The following SND1 variants were observed in gnomAD, a reference collection of about 807,000 sequenced individuals.
The protein encoded by SND1 is staphylococcal nuclease and tudor domain containing 1, also known as staphylococcal nuclease domain-containing protein 1.
SND1 carries 38 observed loss-of-function variants against 121.7 expected under a neutral mutation model. That is an observed-to-expected ratio of 0.31 (90% CI 0.24 to 0.41). The LOEUF (loss-of-function observed/expected upper bound fraction) is 0.41. Ranked by LOEUF, SND1 falls within the 10% of genes least tolerant of loss-of-function variation. The pLI, the probability that SND1 is intolerant of heterozygous loss-of-function variation, is 1.00. For synonymous variants in SND1, 401 were observed against 447.4 expected (o/e 0.90, Z 1.31); for missense variants, 868 against 1,184.6 (o/e 0.73, Z 3.92).
chr7:128,090,132 CACA>C (rs1400963715), intron 22 of SND1, among the ~76,000 whole-genome samples: 1 of 152,154 alleles, frequency 6.6e-6, no homozygotes, highest in African/African-American at 2.4e-5. Context: ...AAGACTGCCA[CACA>C]ACCCTCTGGC....
At chr7:127,935,229 T>A (rs1406648277) in intron 15 of SND1, among the ~76,000 whole-genome samples, 1 of 152,096 alleles carries the variant, frequency 6.6e-6, no homozygotes, top group East Asian at 1.9e-4. Context: ...TAACAGAGAA[T>A]GGAAAAGTAG....
chr7:128,067,812 C>G (rs756760833), intron 16 of SND1, among the ~76,000 whole-genome samples: 16 of 152,250 alleles, frequency 1.1e-4, no homozygotes, highest in Non-Finnish European at 1.9e-4. Flanking sequence ...TGTGTGGGGT[C>G]TCCCTGTCCT....
chr7:127,850,261 T>G (rs1799139879), intron 12 of SND1, among the ~76,000 whole-genome samples: 1 of 152,224 alleles, frequency 6.6e-6, no homozygotes, highest in Non-Finnish European at 1.5e-5. Context: ...TGTATAGCTT[T>G]GAGGTTTTTC....
intron 10 of SND1, among the ~76,000 whole-genome samples, chr7:127,774,659 A>T (rs1472385563): frequency 6.6e-6 from 1 of 151,864 alleles, no homozygotes; most frequent in African/African-American, 2.4e-5. Context: ...GCTCACTGCA[A>T]CCTCGGCCTC....
intron 9 of SND1, among the ~76,000 whole-genome samples, chr7:127,716,303 A>G (rs1188419523): frequency 1.3e-5 from 2 of 152,178 alleles, no homozygotes; most frequent in African/African-American, 4.8e-5. Flanking sequence ...TTTGGGTAGT[A>G]TTGACATCTT....
At chr7:127,919,562 C>G (rs1441933150) in intron 14 of SND1, among the ~76,000 whole-genome samples, 1 of 152,048 alleles carries the variant, frequency 6.6e-6, no homozygotes, top group African/African-American at 2.4e-5. Flanking sequence ...TTGTTTAATC[C>G]TAGCCTTGTA....
At chr7:128,036,777 CACTT>C (rs1440554658) in intron 16 of SND1, among the ~76,000 whole-genome samples, 1 of 152,214 alleles carries the variant, frequency 6.6e-6, no homozygotes, top group East Asian at 1.9e-4. Context: ...TAGCCACAGT[CACTT>C]ACATGTTCAA....
chr7:127,825,932 C>T (rs1479787367), intron 11 of SND1, among the ~76,000 whole-genome samples: 1 of 152,142 alleles, frequency 6.6e-6, no homozygotes, highest in Non-Finnish European at 1.5e-5. Context: ...TGGCTCATGC[C>T]TGTAATCCCA....
chr7:127,690,455 C>T (rs1244965427), intron 2 of SND1, among the ~76,000 whole-genome samples: 2 of 152,252 alleles, frequency 1.3e-5, no homozygotes, highest in African/African-American at 4.8e-5. Context: ...GGCTGGTGAG[C>T]ACCTGCTGTC....
intron 15 of SND1, among the ~76,000 whole-genome samples, chr7:127,937,773 G>A (rs1171550531): frequency 1.3e-5 from 2 of 152,212 alleles, no homozygotes; most frequent in Admixed American, 1.3e-4. Context: ...AGGTGAACAG[G>A]AATATCCTTC....
chr7:128,009,850 A>G (rs1803076904), intron 16 of SND1, among the ~76,000 whole-genome samples: 1 of 151,674 alleles, frequency 6.6e-6, no homozygotes, highest in African/African-American at 2.4e-5. Flanking sequence ...GTCACACACG[A>G]TGCCAAGAAA....
intron 15 of SND1, among the ~76,000 whole-genome samples, chr7:127,979,331 G>A (rs996614358): frequency 1.3e-5 from 2 of 152,218 alleles, no homozygotes; most frequent in Non-Finnish European, 2.9e-5. Flanking sequence ...ACTCACGGAT[G>A]GAGCAATGGC....
Position 127,904,836 on chromosome 7 carries a change from A to C in SND1, c.1527+17A>C. 2 of 1,540,778 alleles carry C rather than the reference A, an allele frequency of 1.3e-6. No individual in the cohort carries two copies. The highest frequency in any genetic ancestry group is 1.8e-6 in the Non-Finnish European group (2 of 1,113,256). Reference sequence around the variant, plus strand: ...ATATCTGGGGTGAGTCGAGTCCCTGAATCAAGCTGTGTGGCTCAGAGGCTC... The same window carrying C: ...ATATCTGGGGTGAGTCGAGTCCCTGCATCAAGCTGTGTGGCTCAGAGGCTC... On this transcript the variant is annotated intron_variant, in intron 14 of 23. Transcript: ENST00000354725.
chr7:128,018,603 A>G (rs1008751355), intron 16 of SND1, among the ~76,000 whole-genome samples: 2 of 152,204 alleles, frequency 1.3e-5, no homozygotes, highest in Admixed American at 6.5e-5. Context: ...GGGTCTCACC[A>G]TCCTGAATAC....
intron 1 of SND1, among the ~76,000 whole-genome samples, chr7:127,679,549 A>C (rs1795674963): frequency 6.6e-6 from 1 of 152,176 alleles, no homozygotes; most frequent in Non-Finnish European, 1.5e-5. Context: ...GAATATTTTC[A>C]TCACCTCCAA....
intron 10 of SND1, among the ~76,000 whole-genome samples, chr7:127,790,424 A>C (rs1797887056): frequency 6.6e-6 from 1 of 152,176 alleles, no homozygotes; most frequent in African/African-American, 2.4e-5. Flanking sequence ...TTAAAGAGGA[A>C]TCATAATATT....
At chr7:128,054,091 G>A (rs534110794) in intron 16 of SND1, among the ~76,000 whole-genome samples, 1 of 152,330 alleles carries the variant, frequency 6.6e-6, no homozygotes, top group African/African-American at 2.4e-5. Context: ...CAGTACCCTG[G>A]GTCTCCTTTC....
intron 15 of SND1, among the ~76,000 whole-genome samples, chr7:127,984,876 T>G (rs1802348739): frequency 6.6e-6 from 1 of 152,188 alleles, no homozygotes; most frequent in Non-Finnish European, 1.5e-5. Flanking sequence ...GGGACCTCAC[T>G]GTAGATCTCC....
At chr7:127,968,692 T>C (rs1468589285) in intron 15 of SND1, among the ~76,000 whole-genome samples, 1 of 152,220 alleles carries the variant, frequency 6.6e-6, no homozygotes, top group Non-Finnish European at 1.5e-5. Context: ...GCACACAGGA[T>C]GCAATTGTGT....
Sources: gnomAD v4.1 joint callset for allele counts (sites outside exome capture counted in the v4.1 genomes callset) on GRCh38, gnomAD v4.1.1 for gene constraint, MANE v1.5 for transcripts, NCBI Gene and HGNC (gene_info 2026-07-23, HGNC 2026-07-21) for gene names.